The following CNTNAP2 variants were observed in gnomAD, a reference collection of about 807,000 sequenced individuals.
The protein encoded by CNTNAP2 is contactin associated protein 2.
Under a neutral mutation model 155.2 loss-of-function variants are expected in CNTNAP2, and 98 were observed. The ratio of observed to expected loss-of-function variants is 0.63; its 90% CI spans 0.54 to 0.75. The LOEUF (loss-of-function observed/expected upper bound fraction) is 0.75. Among genes scored for constraint, CNTNAP2 ranks in the 30% least tolerant of loss-of-function variants. CNTNAP2 has a pLI of 0.00. For synonymous variants in CNTNAP2, 651 were observed against 631.2 expected (o/e 1.03, Z -0.47); for missense variants, 1,727 against 1,688.1 (o/e 1.02, Z -0.40).
intron 22 of CNTNAP2, among the ~76,000 whole-genome samples, chr7:148,403,653 T>G (rs552655537): frequency 6.6e-6 from 1 of 152,324 alleles, no homozygotes; most frequent in Non-Finnish European, 1.5e-5. Flanking sequence ...TATCCATGTC[T>G]CAGTCATGTT....
At chr7:147,003,300 TGA>T in intron 3 of CNTNAP2, among the ~76,000 whole-genome samples, 1 of 151,836 alleles carries the variant, frequency 6.6e-6, no homozygotes, top group African/African-American at 2.4e-5. Context: ...GTAATTATAA[TGA>T]GAGACTACTA....
intron 1 of CNTNAP2, among the ~76,000 whole-genome samples, chr7:146,655,233 C>T (rs1285997123): frequency 3.3e-5 from 5 of 151,484 alleles, no homozygotes; most frequent in Non-Finnish European, 5.9e-5. Context: ...ACCAACATGG[C>T]AAAACCCTGT....
intron 13 of CNTNAP2, among the ~76,000 whole-genome samples, chr7:147,854,589 A>T (rs997374026): frequency 2.6e-5 from 4 of 152,182 alleles, no homozygotes; most frequent in African/African-American, 9.7e-5. Context: ...TGTTCTCAGA[A>T]CCAGATATAT....
chr7:146,457,402 CA>C (rs1174801430), intron 1 of CNTNAP2, among the ~76,000 whole-genome samples: 3 of 141,688 alleles, frequency 2.1e-5, no homozygotes, highest in Non-Finnish European at 4.6e-5. Context: ...TGTGAATATT[CA>C]AAAAATGATT....
intron 1 of CNTNAP2, among the ~76,000 whole-genome samples, chr7:146,551,393 G>A (rs1798119880): frequency 6.6e-6 from 1 of 151,844 alleles, no homozygotes; most frequent in Non-Finnish European, 1.5e-5. Context: ...GTGGTGTTTG[G>A]TTTTTTGTCC....
chr7:147,959,811 C>T (rs1801085177), intron 14 of CNTNAP2, among the ~76,000 whole-genome samples: 2 of 152,096 alleles, frequency 1.3e-5, no homozygotes, highest in South Asian at 2.1e-4. Flanking sequence ...AGCTAGTCCT[C>T]AACTTGGTTC....
intron 11 of CNTNAP2, among the ~76,000 whole-genome samples, chr7:147,547,754 C>T (rs145893000): frequency 6.6e-6 from 1 of 152,008 alleles, no homozygotes; most frequent in African/African-American, 2.4e-5. Flanking sequence ...AAGTTCCCTC[C>T]CTGCACCCCA....
At position 147,368,431 on chromosome 7, in the gene CNTNAP2, A is replaced by C. The variant is rs79880855; in HGVS notation, c.1499-27178A>C. Among the ~76,000 whole-genome samples, 935 of 152,164 alleles carry C rather than the reference A, an allele frequency of 6.1e-3. 24 individuals carry two copies. The highest frequency in any genetic ancestry group is 0.039 in the Admixed American group (598 of 15,280). ...AGCCTGGAAACTTGCTTTAGCTCTT[A>C]AATAGTACTTTTGTACTTACTTGAA... On this transcript the variant is annotated intron_variant, in intron 9 of 23. Transcript: ENST00000361727.
intron 13 of CNTNAP2, among the ~76,000 whole-genome samples, chr7:147,869,863 A>T (rs1358305827): frequency 6.6e-6 from 1 of 152,214 alleles, no homozygotes; most frequent in Non-Finnish European, 1.5e-5. Context: ...ACATCATCTC[A>T]TCAGTTTATC....
intron 1 of CNTNAP2, among the ~76,000 whole-genome samples, chr7:146,740,328 A>G (rs971266368): frequency 8.3e-5 from 12 of 144,398 alleles, no homozygotes; most frequent in African/African-American, 3.1e-4. Context: ...TGAATTTCTC[A>G]TTTTTTTACT....
intron 1 of CNTNAP2, among the ~76,000 whole-genome samples, chr7:146,602,916 C>T (rs1323094805): frequency 7.0e-6 from 1 of 143,760 alleles, no homozygotes; most frequent in Non-Finnish European, 1.5e-5. Flanking sequence ...ATCCATGTTC[C>T]ATCTCTTCCG....
chr7:146,643,902 T>C (rs1171575404), intron 1 of CNTNAP2, among the ~76,000 whole-genome samples: 2 of 151,906 alleles, frequency 1.3e-5, no homozygotes, highest in Non-Finnish European at 1.5e-5. Flanking sequence ...GATTCCTAGG[T>C]ATTTTATTCT....
At chr7:146,201,639 AGTGTGTGTGTGTGTGT>A (rs57595774) in intron 1 of CNTNAP2, among the ~76,000 whole-genome samples, 6 of 146,786 alleles carry the variant, frequency 4.1e-5, no homozygotes, top group African/African-American at 1.5e-4. Flanking sequence ...ATGTCCCACG[AGTGTGTGTGTGTGTGT>A]GTGTGTGTGT....
intron 9 of CNTNAP2, among the ~76,000 whole-genome samples, chr7:147,311,767 C>T (rs1351699501): frequency 4.6e-5 from 7 of 151,944 alleles, no homozygotes; most frequent in Admixed American, 2.0e-4. Flanking sequence ...TATGACAGAA[C>T]AAGTAGGTAG....
intron 13 of CNTNAP2, among the ~76,000 whole-genome samples, chr7:147,767,455 T>C (rs12530955): frequency 0.011 from 1,668 of 152,176 alleles, 95 homozygotes; most frequent in Admixed American, 0.087. Context: ...TGTAAGTTGG[T>C]CACTTATTTC....
chr7:146,169,675 G>A (rs1250755974), intron 1 of CNTNAP2, among the ~76,000 whole-genome samples: 2 of 134,874 alleles, frequency 1.5e-5, no homozygotes, highest in Non-Finnish European at 3.2e-5. Context: ...GCTGTGATAT[G>A]ATTTTTTTTT....
intron 2 of CNTNAP2, among the ~76,000 whole-genome samples, chr7:146,791,108 C>T (rs555226927): frequency 6.6e-6 from 1 of 151,730 alleles, no homozygotes; most frequent in Non-Finnish European, 1.5e-5. Context: ...TGTGATGTCC[C>T]CCTCCCTGTG....
chr7:147,043,595 A>C (rs1246551891), intron 3 of CNTNAP2, among the ~76,000 whole-genome samples: 1 of 152,234 alleles, frequency 6.6e-6, no homozygotes, highest in Non-Finnish European at 1.5e-5. Flanking sequence ...TTATTGTATA[A>C]ATTAAATGCA....
chr7:147,749,592 T>G (rs1046561806), intron 13 of CNTNAP2, among the ~76,000 whole-genome samples: 1 of 152,176 alleles, frequency 6.6e-6, no homozygotes, highest in Non-Finnish European at 1.5e-5. Flanking sequence ...AAATGATGAT[T>G]TTTCAGCTAT....
Sources: gnomAD v4.1 joint callset for allele counts (sites outside exome capture counted in the v4.1 genomes callset) on GRCh38, gnomAD v4.1.1 for gene constraint, MANE v1.5 for transcripts, NCBI Gene and HGNC (gene_info 2026-07-23, HGNC 2026-07-21) for gene names.